The following CFH variants were observed in gnomAD, a reference collection of about 807,000 sequenced individuals.
CFH encodes the protein H factor 1 (complement).
In CFH, 53 loss-of-function variants were observed where a neutral mutation model predicts 147.3. That is an observed-to-expected ratio of 0.36 (90% CI 0.29 to 0.45). The LOEUF (loss-of-function observed/expected upper bound fraction) is 0.45, where lower values mean the gene tolerates loss of function less well. Among genes scored for constraint, CFH ranks in the 20% least tolerant of loss-of-function variants. The probability of loss-of-function intolerance (pLI) is 1.00; values close to 1 mark genes in which losing one functional copy is unlikely to be tolerated. For synonymous variants in CFH, 536 were observed against 489.4 expected, an observed-to-expected ratio of 1.10 and a Z score of -1.26; for missense variants, 1,380 against 1,498.0, an observed-to-expected ratio of 0.92 and a Z score of 1.30.
intron 10 of CFH, among the ~76,000 whole-genome samples, chr1:196,714,660 TATATATATAGAGAGAGAGAGAG>T (rs1193205406): frequency 2.0e-3 from 85 of 43,500 alleles, no homozygotes; most frequent in Non-Finnish European, 2.7e-3. Flanking sequence ...TATATATATA[TATATATATAGAGAGAGAGAGAG>T]AGAGAGAGAG....
chr1:196,689,953 A>G, intron 8 of CFH, 110 bp from the exon 9 acceptor site: 1 of 1,225,810 alleles, frequency 8.2e-7, no homozygotes, highest in East Asian at 2.6e-5. Context: ...TTATTTTTGG[A>G]TGTTTATGCA....
chr1:196,706,603 G>A (rs963118265), intron 9 of CFH, among the ~76,000 whole-genome samples: 2 of 152,150 alleles, frequency 1.3e-5, no homozygotes, highest in Admixed American at 6.5e-5. Flanking sequence ...TATGTGACAC[G>A]GAAGAAAAGG....
intron 9 of CFH, among the ~76,000 whole-genome samples, chr1:196,703,511 A>T (rs529173566): frequency 2.7e-4 from 41 of 152,308 alleles, no homozygotes; most frequent in South Asian, 1.9e-3. Flanking sequence ...TGAGATCCTG[A>T]TGATGGTGAG....
chr1:196,674,899 C>A (rs1190075214), intron 3 of CFH, among the ~76,000 whole-genome samples: 1 of 152,062 alleles, frequency 6.6e-6, no homozygotes, highest in African/African-American at 2.4e-5. Flanking sequence ...ACATCTGCAG[C>A]CCTTAGAAGA....
At chr1:196,712,919 A>G (rs1032132987) in intron 9 of CFH, among the ~76,000 whole-genome samples, 14 of 151,568 alleles carry the variant, frequency 9.2e-5, no homozygotes, top group Non-Finnish European at 1.8e-4. Context: ...TTCCAATTTC[A>G]TCCATGTCCC....
At chr1:196,724,460 G>A (rs747470084) in intron 11 of CFH, among the ~76,000 whole-genome samples, 3 of 152,096 alleles carry the variant, frequency 2.0e-5, no homozygotes, top group Non-Finnish European at 2.9e-5. Flanking sequence ...GTGTGTTCAC[G>A]AAGACAGAAG....
intron 17 of CFH, 149 bp downstream of exon 17, chr1:196,737,809 A>C (rs972257498): frequency 1.7e-6 from 1 of 585,676 alleles, no homozygotes; most frequent in Non-Finnish European, 2.9e-6. Flanking sequence ...GCATGATTGA[A>C]TCTATTCTAT....
chr1:196,656,164 C>T (rs901566392), intron 1 of CFH, among the ~76,000 whole-genome samples: 5 of 151,832 alleles, frequency 3.3e-5, no homozygotes, highest in African/African-American at 9.7e-5. Flanking sequence ...ATTAGCCAGG[C>T]GTGGTGGCGC....
chr1:196,706,629 A>G (rs1312593940), intron 9 of CFH, among the ~76,000 whole-genome samples: 1 of 152,226 alleles, frequency 6.6e-6, no homozygotes, highest in Non-Finnish European at 1.5e-5. Context: ...GTGCCCAAGT[A>G]TCTTGTGACA....
intron 15 of CFH, among the ~76,000 whole-genome samples, chr1:196,732,582 T>A (rs1669305021): frequency 6.6e-6 from 1 of 152,082 alleles, no homozygotes; most frequent in African/African-American, 2.4e-5. Flanking sequence ...GACAATGGCC[T>A]TTCTCAGTCT....
At chr1:196,734,459 A>G (rs1669353123) in intron 15 of CFH, among the ~76,000 whole-genome samples, 1 of 152,084 alleles carries the variant, frequency 6.6e-6, no homozygotes, top group Non-Finnish European at 1.5e-5. Context: ...GCAAGAGAGA[A>G]ACCTGTACTT....
At chr1:196,692,748 TTCTTTC>T (rs1558163566) in intron 9 of CFH, among the ~76,000 whole-genome samples, 5 of 3,296 alleles carry the variant, frequency 1.5e-3, no homozygotes, top group Admixed American at 9.0e-3. Flanking sequence ...TCCTTTCTTT[TTCTTTC>T]TTTCTTTCTT....
chr1:196,701,419 A>T, intron 9 of CFH: 1 of 1,593,084 alleles, frequency 6.3e-7, no homozygotes. Context: ...TTGCCAGGTC[A>T]ATACTTGGGT....
chr1:196,732,965 T>C (rs1158339653), intron 15 of CFH, among the ~76,000 whole-genome samples: 1 of 152,028 alleles, frequency 6.6e-6, no homozygotes, highest in Non-Finnish European at 1.5e-5. Flanking sequence ...AATGAGTCCA[T>C]TGTATTACCA....
chr1:196,728,571 A>T, intron 15 of CFH, 49 bp downstream of exon 15: 1 of 1,561,224 alleles, frequency 6.4e-7, no homozygotes, highest in Non-Finnish European at 8.8e-7. Flanking sequence ...CTCATTTGGA[A>T]AAGTAATAGG....
chr1:196,728,606 G>A lies in CFH; in HGVS notation c.2413+84G>A, dbSNP rs1669205781. ...GTATGTGTGTCTTTTAAAAACTTTAGCTATTTATTATTACAAATGCTACTG... is the reference window on the plus strand; with the variant it reads ...GTATGTGTGTCTTTTAAAAACTTTAACTATTTATTATTACAAATGCTACTG... On this transcript the variant is annotated intron_variant, in intron 15 of 21. Coordinates refer to ENST00000367429, the MANE Select transcript of CFH (RefSeq NM_000186.4). 6 of 1,348,456 alleles carry A rather than the reference G, an allele frequency of 4.4e-6. No homozygotes were observed. The South Asian group carries it at 7.2e-5, about 16-fold the overall frequency. 83.5% of individuals were successfully genotyped at this position (1,348,456 alleles called of 1,614,324 possible).
At chr1:196,715,818 G>A in intron 11 of CFH, 49 bp downstream of exon 11, 3 of 1,510,568 alleles carry the variant, frequency 2.0e-6, no homozygotes, top group Non-Finnish European at 2.7e-6. Flanking sequence ...AAATAAATCT[G>A]TTTTCCAATT....
At chr1:196,696,475 A>G (rs2149093535) in intron 9 of CFH, among the ~76,000 whole-genome samples, 1 of 152,242 alleles carries the variant, frequency 6.6e-6, no homozygotes, top group East Asian at 1.9e-4. Flanking sequence ...TTAGAGGAAA[A>G]TTTATCGCAC....
chr1:196,743,919 G>A (rs1299936983), intron 20 of CFH, among the ~76,000 whole-genome samples: 1 of 152,056 alleles, frequency 6.6e-6, no homozygotes, highest in African/African-American at 2.4e-5. Context: ...TACATTATGT[G>A]CATTTGACAG....
Sources: allele counts gnomAD v4.1 joint callset (sites outside exome capture counted in the v4.1 genomes callset), GRCh38; gene constraint gnomAD v4.1.1; transcripts MANE v1.5; gene names NCBI Gene and HGNC (gene_info 2026-07-23, HGNC 2026-07-21).